Variants in BRAF observed in about 807,000 individuals in gnomAD.
BRAF encodes serine/threonine-protein kinase B-raf.
BRAF carries 16 observed loss-of-function variants against 104.6 expected under a neutral mutation model. The observed-to-expected ratio is 0.15, with a 90% CI of 0.10 to 0.23. The LOEUF (loss-of-function observed/expected upper bound fraction) is 0.23, where lower values mean the gene tolerates loss of function less well. BRAF is among the 10% of genes least tolerant of loss of function. The pLI is 1.00. For missense variants in BRAF, 541 were observed against 937.3 expected (o/e 0.58, Z 5.52); for synonymous variants, 310 against 341.6 (o/e 0.91, Z 1.02).
chr7:140,796,825 G>T (rs1802538798), intron 7 of BRAF, among the ~76,000 whole-genome samples: 1 of 152,122 alleles, frequency 6.6e-6, no homozygotes. Context: ...ATTATAATTT[G>T]ATTTCCCATA....
rs143712297 is a variant in BRAF at position 140,806,625 on chromosome 7, T to G, written c.711+1335A>C. On this transcript the variant is annotated intron_variant, in intron 5 of 19. Transcript: ENST00000644969. ...TCAATTTCTAGCTAAGAAGAATTAT[T>G]AAGAAACAGAGTAGTAATCACTATG... Among the ~76,000 whole-genome samples the G allele has an allele frequency of 1.6e-3, 249 of 152,352 alleles. 1 individual carries two copies. Among genetic ancestry groups the G allele is most frequent in the Middle Eastern group, 0.014 (4 of 294 alleles).
At chr7:140,787,674 A>T in intron 8 of BRAF, 90 bp from the exon 9 acceptor site, 1 of 1,091,882 alleles carries the variant, frequency 9.2e-7, no homozygotes, top group South Asian at 1.3e-5. Context: ...ACGTTAAAAG[A>T]ATTATTTTAT....
chr7:140,859,528 T>C (rs1219845219), intron 1 of BRAF, among the ~76,000 whole-genome samples: 1 of 152,156 alleles, frequency 6.6e-6, no homozygotes, highest in Non-Finnish European at 1.5e-5. Context: ...TGCAGATGTG[T>C]TCCCCTTCAC....
At chr7:140,856,764 T>G (rs1331994843) in intron 1 of BRAF, among the ~76,000 whole-genome samples, 1 of 152,142 alleles carries the variant, frequency 6.6e-6, no homozygotes, top group Non-Finnish European at 1.5e-5. Context: ...GAACAGAAGC[T>G]GGCCATAAAT....
intron 17 of BRAF, chr7:140,740,906 T>C (rs1352865945): frequency 1.3e-5 from 2 of 152,146 alleles, no homozygotes; most frequent in African/African-American, 4.8e-5. Context: ...ATTGAGGGGA[T>C]TACAGTTTTC....
In BRAF at chr7:140,723,497, CT is replaced by C; in HGVS notation, c.*2996del. The C allele has an allele frequency of 9.5e-7, 1 of 1,053,274 alleles. No homozygotes were observed. Among genetic ancestry groups the C allele is most frequent in the Non-Finnish European group, 1.1e-6 (1 of 871,968 alleles). The allele number at this position is 1,053,274 out of a possible 1,614,324, so 65.2% of individuals were successfully genotyped here. A position where few individuals can be genotyped will look rare whatever the true frequency, so the allele number is the denominator to read the frequency against. Reference sequence around the variant, plus strand: ...GAATTTGACAGCTAGACAGAATCTTCTTTTAAGGTGCACATTAACAACAAAT... The same window carrying C: ...GAATTTGACAGCTAGACAGAATCTTCTTTAAGGTGCACATTAACAACAAAT... On this transcript the variant is annotated 3_prime_UTR_variant, in exon 20 of 20. Transcript: ENST00000644969.
rs1003214170 is a variant in BRAF at position 140,725,511 on chromosome 7, C to T, written c.*983G>A. ...AGAAACTCAGAAATTAAAACCTGTA[C>T]CTTATATTTAAATTATCTAAATTTC... On this transcript the variant is annotated 3_prime_UTR_variant, in exon 20 of 20. Coordinates refer to ENST00000644969, the MANE Select transcript of BRAF (RefSeq NM_001374258.1). The T allele has an allele frequency of 1.3e-5, 13 of 979,404 alleles. No homozygotes were observed. The highest frequency in any genetic ancestry group is 5.6e-5 in the Admixed American group (1 of 17,892). The allele number at this position is 979,404 out of a possible 1,614,324, so 60.7% of individuals were successfully genotyped here. A position where few individuals can be genotyped will look rare whatever the true frequency, so the allele number is the denominator to read the frequency against.
Position 140,883,014 on chromosome 7 carries a change from GTAAATAAA to G in BRAF, c.139-32810_139-32803del, listed in dbSNP as rs34394570. Among the ~76,000 whole-genome samples, 405 of 148,752 alleles carry G rather than the reference GTAAATAAA, an allele frequency of 2.7e-3. 2 individuals are homozygous for G. Among genetic ancestry groups the G allele is most frequent in the East Asian group, 5.1e-3 (26 of 5,090 alleles). ...ATCTCAAAAAATAAAATAAAATAAA[GTAAATAAA>G]TAAATAAATAAATAAATAAATAAAT... On this transcript the variant is annotated intron_variant, in intron 1 of 19. Transcript: ENST00000644969.
intron 3 of BRAF, among the ~76,000 whole-genome samples, chr7:140,826,553 G>A (rs1279863986): frequency 1.3e-5 from 2 of 152,140 alleles, no homozygotes; most frequent in Admixed American, 6.6e-5. Flanking sequence ...TATTTTTAGT[G>A]AATTGGGAGG....
At chr7:140,770,356 G>T (rs1799718572) in intron 14 of BRAF, among the ~76,000 whole-genome samples, 1 of 152,048 alleles carries the variant, frequency 6.6e-6, no homozygotes, top group Non-Finnish European at 1.5e-5. Context: ...AAAGTAAATT[G>T]TAAGGATTTA....
In BRAF at chr7:140,854,732, G is replaced by A. The variant is rs531033334; in HGVS notation, c.139-4520C>T. On this transcript the variant is annotated intron_variant, in intron 1 of 19. Transcript: ENST00000644969. Reference sequence around the variant, plus strand: ...AGGATGAGGCGGGTGGATCACTTGAGGTCAGGAGTTCGAGACCAGCTGGCC... The same window carrying A: ...AGGATGAGGCGGGTGGATCACTTGAAGTCAGGAGTTCGAGACCAGCTGGCC... Among the ~76,000 whole-genome samples, 10 of 152,190 alleles carry A rather than the reference G, an allele frequency of 6.6e-5. No homozygotes were observed. In the East Asian group the frequency reaches 1.9e-3, roughly 29 times the overall value.
chr7:140,851,908 T>G (rs1248999568), intron 1 of BRAF, among the ~76,000 whole-genome samples: 2 of 152,238 alleles, frequency 1.3e-5, no homozygotes, highest in African/African-American at 4.8e-5. Context: ...GTTTGTTTTT[T>G]CCATATTCAT....
downstream of BRAF, among the ~76,000 whole-genome samples, chr7:140,717,201 T>C (rs912757307): frequency 1.3e-5 from 2 of 152,344 alleles, no homozygotes; most frequent in East Asian, 3.9e-4. Flanking sequence ...GTTACAGATC[T>C]TGGGTCCTGG....
In BRAF at chr7:140,734,778, AAAAAAAAG is replaced by A. The variant is rs2130870000; in HGVS notation, c.2248-16_2248-9del. On this transcript the variant is annotated splice_polypyrimidine_tract_variant and intron_variant, in intron 18 of 19. Transcript: ENST00000644969. ...CTCAATAGAGGCGAGAATCTACAAA[AAAAAAAAG>A]AAAAAAAAAAGAAAAAAAAAGAAAA... 7.5e-7 allele frequency: 1 copy of A among 1,333,960 alleles called. No homozygotes were observed. The highest frequency in any genetic ancestry group is 9.8e-7 in the Non-Finnish European group (1 of 1,023,300). 82.6% of individuals were successfully genotyped at this position (1,333,960 alleles called of 1,614,324 possible). A position where few individuals can be genotyped will look rare whatever the true frequency, so the allele number is the denominator to read the frequency against.
In BRAF at chr7:140,808,687, G is replaced by C. The variant is rs543470238; in HGVS notation, c.608+205C>G. ...TTCCAAATAAAATCATTTGATCAAA[G>C]TAACAAACCCTACAGTCATATACAA... On this transcript the variant is annotated intron_variant, in intron 4 of 19. Coordinates refer to ENST00000644969, the MANE Select transcript of BRAF (RefSeq NM_001374258.1). 2.0e-5 allele frequency among the ~76,000 whole-genome samples: 3 copies of C among 152,096 alleles called. No homozygotes were observed. The East Asian group carries it at 5.8e-4, about 29-fold the overall frequency.
chr7:140,766,742 G>T (rs986611974), intron 14 of BRAF, among the ~76,000 whole-genome samples: 1 of 152,016 alleles, frequency 6.6e-6, no homozygotes, highest in Admixed American at 6.6e-5. Context: ...GTAGAGACGG[G>T]TTTTGCCATG....
intron 2 of BRAF, among the ~76,000 whole-genome samples, chr7:140,841,880 A>T (rs1231452152): frequency 6.6e-6 from 1 of 152,220 alleles, no homozygotes; most frequent in Non-Finnish European, 1.5e-5. Context: ...CAATTAAAAC[A>T]GAAGGGAAAA....
intron 1 of BRAF, among the ~76,000 whole-genome samples, chr7:140,910,002 T>C (rs943130617): frequency 6.6e-6 from 1 of 152,182 alleles, no homozygotes; most frequent in Admixed American, 6.5e-5. Flanking sequence ...TCCTGAACAT[T>C]GTGGGATGGC....
In BRAF at chr7:140,722,983, CA is replaced by C; in HGVS notation, c.*3510del. The C allele has an allele frequency of 9.5e-7, 1 of 1,054,018 alleles. No individual in the cohort carries two copies. The allele number at this position is 1,054,018 out of a possible 1,614,324, so 65.3% of individuals were successfully genotyped here. ...ATGAGAGTGCTCAAATACAAGTACA[CA>C]AAAAAGTTAAAATCTTAAATCATCG... On this transcript the variant is annotated 3_prime_UTR_variant, in exon 20 of 20. Coordinates refer to ENST00000644969, the MANE Select transcript of BRAF (RefSeq NM_001374258.1).
Sources: allele counts gnomAD v4.1 joint callset (sites outside exome capture counted in the v4.1 genomes callset), GRCh38; gene constraint gnomAD v4.1.1; transcripts MANE v1.5; gene names NCBI Gene and HGNC (gene_info 2026-07-23, HGNC 2026-07-21).